Variants in CAST observed in about 807,000 individuals in gnomAD.
The protein encoded by CAST is calpastatin.
A neutral mutation model predicts 119.6 loss-of-function variants in CAST; 76 were observed. That is an observed-to-expected ratio of 0.64 (90% CI 0.53 to 0.77). The LOEUF is 0.77. CAST is among the 30% of genes least tolerant of loss of function. The pLI is 0.00. For missense variants in CAST, 953 were observed against 946.5 expected, an observed-to-expected ratio of 1.01 and a Z score of -0.09; for synonymous variants, 319 against 331.6, an observed-to-expected ratio of 0.96 and a Z score of 0.41.
chr5:96,603,751 G>A (rs972230833), intron 1 of CAST, among the ~76,000 whole-genome samples: 11 of 146,760 alleles, frequency 7.5e-5, no homozygotes, highest in Non-Finnish European at 1.3e-4. Context: ...CATTGTATGT[G>A]CTGTACTCTT....
At chr5:96,438,170 T>C in the CAST span, among the ~76,000 whole-genome samples, 1 of 152,156 alleles carries the variant, frequency 6.6e-6, no homozygotes, top group East Asian at 1.9e-4. Flanking sequence ...GAATAGAATA[T>C]AGTATAGTTG....
At chr5:95,970,099 C>T in the CAST span, 2 of 152,290 alleles carry the variant, frequency 1.3e-5, no homozygotes, top group South Asian at 2.1e-4. Context: ...GATAACATCA[C>T]TCTAAGTCAC....
At chr5:96,695,771 G>A in intron 2 of CAST, 65 bp from the exon 3 acceptor site, 1 of 1,010,050 alleles carries the variant, frequency 9.9e-7, no homozygotes, top group Non-Finnish European at 1.5e-6. Context: ...TGATATGTAA[G>A]TTTGCATTTG....
At chr5:96,079,299 C>T in the CAST span, 7 of 327,904 alleles carry the variant, frequency 2.1e-5, no homozygotes, top group Non-Finnish European at 4.4e-5. Flanking sequence ...AGGCTTGTTA[C>T]TCATTTGGCT....
chr5:96,625,358 TG>T (rs1185510121), intron 1 of CAST, among the ~76,000 whole-genome samples: 1 of 152,262 alleles, frequency 6.6e-6, no homozygotes, highest in South Asian at 2.1e-4. Flanking sequence ...TTATCTTTAC[TG>T]AACTGGAATA....
the CAST span, among the ~76,000 whole-genome samples, chr5:96,362,493 C>T: frequency 6.6e-6 from 1 of 152,148 alleles, no homozygotes; most frequent in Non-Finnish European, 1.5e-5. Flanking sequence ...TCTCCAGCAC[C>T]TGTTGTTTCC....
intron 1 of CAST, among the ~76,000 whole-genome samples, chr5:96,645,290 G>C (rs1362432331): frequency 1.3e-5 from 2 of 152,090 alleles, no homozygotes; most frequent in Non-Finnish European, 2.9e-5. Flanking sequence ...CGGCCTTCTT[G>C]TCACATTCCA....
intron 2 of CAST, among the ~76,000 whole-genome samples, chr5:96,694,395 T>C (rs974904084): frequency 2.0e-5 from 3 of 152,168 alleles, no homozygotes; most frequent in Non-Finnish European, 2.9e-5. Flanking sequence ...CCCAGCACTT[T>C]GGGAGGCTGA....
intron 1 of CAST, among the ~76,000 whole-genome samples, chr5:96,609,828 CA>C (rs776440463): frequency 2.3e-5 from 3 of 131,106 alleles, no homozygotes; most frequent in East Asian, 4.4e-4. Context: ...CTTTCTTACT[CA>C]GGGGGGCATT....
At chr5:96,382,749 C>T in the CAST span, among the ~76,000 whole-genome samples, 1 of 152,032 alleles carries the variant, frequency 6.6e-6, no homozygotes, top group African/African-American at 2.4e-5. Context: ...AATTATTATT[C>T]CCATTTTACA....
chr5:96,636,665 G>T (rs155058), intron 1 of CAST, among the ~76,000 whole-genome samples: 46,514 of 152,052 alleles, frequency 0.31, 7,175 homozygotes, highest in African/African-American at 0.33. Flanking sequence ...TAAAAATGTT[G>T]AAATTTTAAA....
At chr5:96,610,105 A>C (rs1310584081) in intron 1 of CAST, among the ~76,000 whole-genome samples, 1 of 152,208 alleles carries the variant, frequency 6.6e-6, no homozygotes, top group Non-Finnish European at 1.5e-5. Flanking sequence ...TTATCATGAT[A>C]GTGAATAAGT....
chr5:96,745,902 T>G (rs1763661672), intron 16 of CAST, among the ~76,000 whole-genome samples: 1 of 152,230 alleles, frequency 6.6e-6, no homozygotes, highest in Admixed American at 6.5e-5. Flanking sequence ...CCTCGTTGAG[T>G]AAGACAGATG....
the CAST span, among the ~76,000 whole-genome samples, chr5:96,271,139 C>CA: frequency 9.2e-5 from 14 of 151,910 alleles, no homozygotes; most frequent in Admixed American, 6.5e-4. Context: ...GAAGAAGACA[C>CA]AAAAAAGGAA....
chr5:96,656,613 TAATTTC>T (rs1044614978), intron 1 of CAST, among the ~76,000 whole-genome samples: 1 of 152,196 alleles, frequency 6.6e-6, no homozygotes, highest in African/African-American at 2.4e-5. Context: ...ATCTTCATCT[TAATTTC>T]ATTACTCAGT....
chr5:96,377,960 C>A, the CAST span, among the ~76,000 whole-genome samples: 6 of 152,094 alleles, frequency 3.9e-5, no homozygotes, highest in Non-Finnish European at 8.8e-5. Flanking sequence ...TGTATATATA[C>A]AATGGAATGT....
chr5:96,556,896 A>G (rs1746252068), intron 1 of CAST, among the ~76,000 whole-genome samples: 1 of 152,174 alleles, frequency 6.6e-6, no homozygotes, highest in Admixed American at 6.5e-5. Context: ...CAACTCCAAG[A>G]CACATAATTG....
upstream of CAST, chr5:96,525,180 A>G (rs966265748): frequency 6.6e-6 from 1 of 152,220 alleles, no homozygotes; most frequent in Non-Finnish European, 1.5e-5. Context: ...TCAGATCATA[A>G]TGGCTGCTGC....
At chr5:96,244,328 A>G in the CAST span, among the ~76,000 whole-genome samples, 1 of 152,256 alleles carries the variant, frequency 6.6e-6, no homozygotes, top group Non-Finnish European at 1.5e-5. Context: ...AAGACTTTAA[A>G]TTATTTGTAT....
Sources: gnomAD v4.1 joint callset for allele counts (sites outside exome capture counted in the v4.1 genomes callset) on GRCh38, gnomAD v4.1.1 for gene constraint, MANE v1.5 for transcripts, NCBI Gene and HGNC (gene_info 2026-07-23, HGNC 2026-07-21) for gene names.